Variants in KCNN3 observed in about 807,000 individuals in gnomAD.
The protein encoded by KCNN3 is potassium calcium-activated channel subfamily N member 3.
In KCNN3, 16 loss-of-function variants were observed where a neutral mutation model predicts 62.9. That is an observed-to-expected ratio of 0.25 (90% CI 0.17 to 0.39). The LOEUF (loss-of-function observed/expected upper bound fraction) is 0.39. KCNN3 is among the 10% of genes least tolerant of loss of function. KCNN3 has a pLI of 1.00. For missense variants in KCNN3, 599 were observed against 949.4 expected, an observed-to-expected ratio of 0.63 and a Z score of 4.85; for synonymous variants, 370 against 389.2, an observed-to-expected ratio of 0.95 and a Z score of 0.58.
chr1:154,734,454 C>T (rs375705496), intron 3 of KCNN3, among the ~76,000 whole-genome samples: 4 of 152,170 alleles, frequency 2.6e-5, no homozygotes, highest in African/African-American at 7.2e-5. Context: ...ATGCACACAA[C>T]GTGCCGGGAC....
At chr1:154,830,953 A>G (rs1651358149) in intron 1 of KCNN3, among the ~76,000 whole-genome samples, 1 of 152,198 alleles carries the variant, frequency 6.6e-6, no homozygotes, top group South Asian at 2.1e-4. Flanking sequence ...GGTTTCCTTT[A>G]TAAGGTCTGG....
intron 1 of KCNN3, among the ~76,000 whole-genome samples, chr1:154,866,920 G>A (rs1652977283): frequency 6.6e-6 from 1 of 152,206 alleles, no homozygotes; most frequent in East Asian, 1.9e-4. Flanking sequence ...GCAGGGAAGA[G>A]GGCCTGATCC....
At chr1:154,710,988 A>C (rs1403579546) in intron 7 of KCNN3, among the ~76,000 whole-genome samples, 1 of 152,186 alleles carries the variant, frequency 6.6e-6, no homozygotes, top group Non-Finnish European at 1.5e-5. Context: ...CCATCCCATT[A>C]CTGGGTATAT....
chr1:154,803,280 C>T (rs747634772), intron 2 of KCNN3, among the ~76,000 whole-genome samples: 2 of 152,194 alleles, frequency 1.3e-5, no homozygotes, highest in African/African-American at 4.8e-5. Flanking sequence ...AAGGCTTTCA[C>T]GCAAGCCCCA....
chr1:154,863,841 G>A (rs555989241), intron 1 of KCNN3, among the ~76,000 whole-genome samples: 10 of 152,322 alleles, frequency 6.6e-5, no homozygotes, highest in East Asian at 1.9e-4. Flanking sequence ...AGGGAAGTCC[G>A]GATGTGTGAT....
chr1:154,754,669 C>G (rs1319703494), intron 3 of KCNN3, among the ~76,000 whole-genome samples: 1 of 152,082 alleles, frequency 6.6e-6, no homozygotes, highest in Non-Finnish European at 1.5e-5. Flanking sequence ...AGGAAGAAGC[C>G]ACGTACCAAC....
intron 5 of KCNN3, among the ~76,000 whole-genome samples, chr1:154,722,178 C>T (rs1432921588): frequency 6.6e-6 from 1 of 152,076 alleles, no homozygotes; most frequent in Non-Finnish European, 1.5e-5. Flanking sequence ...TGAGTATTTT[C>T]TATGATTAAT....
chr1:154,760,162 G>T (rs148835330), intron 3 of KCNN3, among the ~76,000 whole-genome samples: 6 of 151,746 alleles, frequency 4.0e-5, no homozygotes, highest in African/African-American at 1.5e-4. Flanking sequence ...ACAGGTGCGC[G>T]CCACCACGCT....
intron 2 of KCNN3, among the ~76,000 whole-genome samples, chr1:154,813,771 G>C (rs1281260138): frequency 6.6e-6 from 1 of 152,126 alleles, no homozygotes; most frequent in East Asian, 1.9e-4. Flanking sequence ...AAAACAGAAA[G>C]TCAATACAGG....
At chr1:154,756,485 C>A (rs1359890735) in intron 3 of KCNN3, among the ~76,000 whole-genome samples, 1 of 152,048 alleles carries the variant, frequency 6.6e-6, no homozygotes, top group Non-Finnish European at 1.5e-5. Flanking sequence ...CCCTGCCACA[C>A]CCCCCTTCAT....
rs1186083318 is a variant in KCNN3, at chr1:154,859,560, C to T, written c.933+9472G>A. On this transcript the variant is annotated intron_variant, in intron 1 of 7. Coordinates refer to ENST00000271915, the MANE Select transcript of KCNN3 (RefSeq NM_002249.6). Reference sequence around the variant, plus strand: ...ATGGACCAGAATGAGCAAGGGCAGCCTCTCCCTGCCTCCCTGCAGGGCCCC... The same window carrying T: ...ATGGACCAGAATGAGCAAGGGCAGCTTCTCCCTGCCTCCCTGCAGGGCCCC... The T allele has an allele frequency of 3.5e-6, 3 of 860,328 alleles. No individual in the cohort carries two copies. In the African/African-American group the frequency reaches 5.0e-5, roughly 14 times the overall value. The allele number at this position is 860,328 out of a possible 1,614,324, so 53.3% of individuals were successfully genotyped here.
At chr1:154,781,275 T>C (rs1171665277) in intron 2 of KCNN3, among the ~76,000 whole-genome samples, 1 of 152,190 alleles carries the variant, frequency 6.6e-6, no homozygotes, top group Non-Finnish European at 1.5e-5. Context: ...GTAGCAGGAA[T>C]TTCTTGATCC....
chr1:154,781,129 T>C (rs1649030701), intron 2 of KCNN3, among the ~76,000 whole-genome samples: 1 of 152,184 alleles, frequency 6.6e-6, no homozygotes, highest in Non-Finnish European at 1.5e-5. Context: ...TGACCACTCA[T>C]GGGGGTTATG....
At chr1:154,815,404 G>A (rs888850516) in intron 2 of KCNN3, among the ~76,000 whole-genome samples, 15 of 152,124 alleles carry the variant, frequency 9.9e-5, no homozygotes, top group African/African-American at 3.6e-4. Flanking sequence ...CGAATGCAGG[G>A]CACAGCATCA....
intron 7 of KCNN3, among the ~76,000 whole-genome samples, chr1:154,712,039 A>C (rs946569072): frequency 6.6e-6 from 1 of 151,944 alleles, no homozygotes; most frequent in African/African-American, 2.4e-5. Context: ...AGGGAAAGGG[A>C]GAGGAAGAGA....
chr1:154,869,626 C>T lies in KCNN3; in HGVS notation c.339G>A (p.Ser113=), dbSNP rs1455401613. 6.2e-7 allele frequency: 1 copy of T among 1,613,468 alleles called. No individual in the cohort carries two copies. The highest frequency in any genetic ancestry group is 1.3e-5 in the African/African-American group (1 of 74,792). The change falls in exon 1 of 8, where the codon TCG becomes TCA. Residue 113 remains serine (S), a synonymous_variant. Transcript: ENST00000271915. This position sits in a 1 kb window ranked among gnomAD's most constrained non-coding sequence, Gnocchi z 6.1. ...SSPTAFRAPP[S]SNSTAILHPS... The stretch of plus-strand genomic sequence containing the variant: ...GGTGGAGGATGGCGGTGGAGTTGGA[C>T]GAAGGGGGGGCCCTGAAAGCGGTGG...
At chr1:154,749,817 A>G (rs941403723) in intron 3 of KCNN3, among the ~76,000 whole-genome samples, 3 of 152,116 alleles carry the variant, frequency 2.0e-5, no homozygotes, top group African/African-American at 7.2e-5. Context: ...ATGCACAATA[A>G]TGCCCTGACC....
At chr1:154,826,815 G>A (rs992659692) in intron 1 of KCNN3, among the ~76,000 whole-genome samples, 1 of 152,232 alleles carries the variant, frequency 6.6e-6, no homozygotes, top group Non-Finnish European at 1.5e-5. Context: ...GTATTTTATT[G>A]TTTGGGTCAT....
intron 2 of KCNN3, among the ~76,000 whole-genome samples, chr1:154,801,048 GAA>G (rs1376628225): frequency 6.6e-6 from 1 of 152,072 alleles, no homozygotes; most frequent in East Asian, 1.9e-4. Flanking sequence ...AAAAGAGAAA[GAA>G]AAAGATTCTA....
Sources: allele counts gnomAD v4.1 joint callset (sites outside exome capture counted in the v4.1 genomes callset), GRCh38; gene constraint gnomAD v4.1.1; non-coding constraint Gnocchi (gnomAD v3.1); transcripts MANE v1.5; gene names NCBI Gene and HGNC (gene_info 2026-07-23, HGNC 2026-07-21).